Variants in PRR14L observed in about 807,000 individuals in gnomAD.
PRR14L encodes the protein proline rich 14 like, also known as protein PRR14L.
PRR14L carries 80 observed loss-of-function variants against 155.0 expected under a neutral mutation model. The ratio of observed to expected loss-of-function variants is 0.52; its 90% CI spans 0.43 to 0.62. The LOEUF (loss-of-function observed/expected upper bound fraction) is 0.62, where lower values mean the gene tolerates loss of function less well. Ranked by LOEUF, PRR14L falls within the 20% of genes least tolerant of loss-of-function variation. The probability of loss-of-function intolerance (pLI) is 0.00; values close to 1 mark genes in which losing one functional copy is unlikely to be tolerated. For missense variants in PRR14L, 2,469 were observed against 2,548.0 expected (o/e 0.97, Z 0.67); for synonymous variants, 883 against 916.0 (o/e 0.96, Z 0.65).
At position 31,745,153 on chromosome 22, in the gene PRR14L, G is replaced by A. The variant is rs535098941; in HGVS notation, c.-52+4840C>T. Among the ~76,000 whole-genome samples the A allele has an allele frequency of 3.4e-4, 52 of 152,174 alleles. 1 individual carries two copies. The South Asian group carries it at 9.7e-3, about 29-fold the overall frequency. On this transcript the variant is annotated intron_variant, in intron 1 of 8. Coordinates refer to ENST00000327423, the MANE Select transcript of PRR14L (RefSeq NM_173566.3). ...AGCACTTTGGGAGGACAAGGCAGGCGGATCACGAGGTCAGGAGATCGAGAC... is the reference window on the plus strand; with the variant it reads ...AGCACTTTGGGAGGACAAGGCAGGCAGATCACGAGGTCAGGAGATCGAGAC...
chr22:31,713,869 G>A lies in PRR14L; in HGVS notation c.3970C>T (p.Pro1324Ser). The A allele has an allele frequency of 6.4e-7, 1 of 1,552,130 alleles. No individual in the cohort carries two copies. The highest frequency in any genetic ancestry group is 8.7e-7 in the Non-Finnish European group (1 of 1,147,112). ...PHENSSDRHL[P>S]LTVKTDIKVK... ...TTAATATCTGTTTTCACTGTCAAAG[G>A]CAAATGTCTGTCAGAGGAATTCTCG... is the stretch of plus-strand genomic sequence containing the variant. The change falls in exon 4 of 9, where the codon CCT becomes TCT. Residue 1324 changes from proline to serine, a missense_variant. Pro to Ser is a moderately conservative substitution (Grantham distance 74, BLOSUM62 -1). This residue lies in a region of PRR14L where 2,363 missense variants were observed against 2,371.6 expected (regional missense o/e 1.00). Coordinates refer to ENST00000327423, the MANE Select transcript of PRR14L (RefSeq NM_173566.3).
At chr22:31,741,240 G>C (rs552606646) in intron 1 of PRR14L, among the ~76,000 whole-genome samples, 1 of 125,218 alleles carries the variant, frequency 8.0e-6, no homozygotes, top group Non-Finnish European at 1.6e-5. Flanking sequence ...GTGACAGAGC[G>C]AGGCTCTGTC....
intron 1 of PRR14L, among the ~76,000 whole-genome samples, chr22:31,748,702 G>C (rs1425441449): frequency 6.6e-6 from 1 of 152,132 alleles, no homozygotes; most frequent in Non-Finnish European, 1.5e-5. Flanking sequence ...AGTAAGTCAG[G>C]GAAGTGGGAG....
chr22:31,700,564 C>T (rs2074557928), intron 7 of PRR14L, among the ~76,000 whole-genome samples: 1 of 151,626 alleles, frequency 6.6e-6, no homozygotes, highest in Non-Finnish European at 1.5e-5. Context: ...GTACAGAAAT[C>T]TTTTTTTTTG....
At chr22:31,743,559 G>C (rs1157081971) in intron 1 of PRR14L, among the ~76,000 whole-genome samples, 3 of 152,102 alleles carry the variant, frequency 2.0e-5, no homozygotes, top group Non-Finnish European at 4.4e-5. Context: ...TCAGCACTTT[G>C]GGAGGCCAAG....
Position 31,714,979 on chromosome 22 carries a change from T to G in PRR14L, c.2860A>C (p.Lys954Gln). The G allele has an allele frequency of 6.4e-7, 1 of 1,552,170 alleles. No homozygotes were observed. The highest frequency in any genetic ancestry group is 8.7e-7 in the Non-Finnish European group (1 of 1,147,102). ...AGTGTTTCAACTGATTTTACATTTT[T>G]AAAACTGGAGAACATAACAGTAGGA... ...QSPTVMFSSF[K>Q]NVKSVETLDQ... Residue 954 changes from lysine to glutamine, a missense_variant, in exon 4 of 9, where the codon AAA becomes CAA. By Grantham distance (53) the Lys-to-Gln change is moderately conservative. Coordinates refer to ENST00000327423, the MANE Select transcript of PRR14L (RefSeq NM_173566.3).
At chr22:31,710,003 T>A (rs1293474890) in intron 4 of PRR14L, among the ~76,000 whole-genome samples, 1 of 151,430 alleles carries the variant, frequency 6.6e-6, no homozygotes, top group African/African-American at 2.4e-5. Flanking sequence ...TGTAGTGGTG[T>A]GATCCTGGCT....
intron 3 of PRR14L, among the ~76,000 whole-genome samples, chr22:31,718,293 T>C (rs1280067856): frequency 6.7e-6 from 1 of 149,476 alleles, no homozygotes; most frequent in Non-Finnish European, 1.5e-5. Context: ...TCTTGCTTTG[T>C]CGCCCAGGCT....
intron 2 of PRR14L, among the ~76,000 whole-genome samples, chr22:31,730,615 T>C (rs1403046461): frequency 1.3e-5 from 2 of 152,184 alleles, no homozygotes; most frequent in African/African-American, 2.4e-5. Flanking sequence ...GGTTTCTCCA[T>C]TGTGAAGTTA....
chr22:31,720,605 G>T (rs1206682960), intron 3 of PRR14L, among the ~76,000 whole-genome samples: 1 of 152,092 alleles, frequency 6.6e-6, no homozygotes, highest in Non-Finnish European at 1.5e-5. Context: ...CACGGTGGCA[G>T]GCACCTGTAA....
chr22:31,723,963 C>T (rs1185234313), intron 3 of PRR14L, among the ~76,000 whole-genome samples: 1 of 152,218 alleles, frequency 6.6e-6, no homozygotes, highest in Non-Finnish European at 1.5e-5. Flanking sequence ...GCTTCATCTG[C>T]ATTTACAGCT....
At position 31,713,635 on chromosome 22, in the gene PRR14L, CT is replaced by C; in HGVS notation, c.4203del (p.Glu1402LysfsTer24). 1 of 1,551,948 alleles carries C rather than the reference CT, an allele frequency of 6.4e-7. No individual in the cohort carries two copies. On this transcript the variant is annotated frameshift_variant, in exon 4 of 9. Coordinates refer to ENST00000327423, the MANE Select transcript of PRR14L (RefSeq NM_173566.3). LOFTEE classifies it high-confidence loss of function. The part of the protein sequence containing the change: ...SPEVLDYMLQ[K>X]EEKYIRQQKA... The stretch of plus-strand genomic sequence containing the variant: ...TTTTGTTGACGTATATATTTCTCTT[CT>C]TTCTGCAACATGTAGTCCAAAACCT...
intron 1 of PRR14L, among the ~76,000 whole-genome samples, chr22:31,739,900 G>A (rs2074803307): frequency 6.6e-6 from 1 of 152,018 alleles, no homozygotes. Flanking sequence ...CCAGTTTAGT[G>A]TACCAAACAT....
At chr22:31,688,772 G>C (rs1367800263) in intron 7 of PRR14L, among the ~76,000 whole-genome samples, 2 of 151,624 alleles carry the variant, frequency 1.3e-5, no homozygotes, top group Non-Finnish European at 2.9e-5. Context: ...CCACTGACTA[G>C]AAAACTATAT....
At chr22:31,719,443 A>T (rs1393473558) in intron 3 of PRR14L, among the ~76,000 whole-genome samples, 4 of 152,014 alleles carry the variant, frequency 2.6e-5, no homozygotes, top group Admixed American at 1.3e-4. Flanking sequence ...AAGAACAAAA[A>T]ATCTAAAATC....
intron 2 of PRR14L, among the ~76,000 whole-genome samples, chr22:31,730,978 C>G (rs1212699461): frequency 6.6e-6 from 1 of 152,116 alleles, no homozygotes. Context: ...ATTTTAAGCT[C>G]AAATCATCCC....
At chr22:31,748,264 A>G in intron 1 of PRR14L, among the ~76,000 whole-genome samples, 1 of 152,254 alleles carries the variant, frequency 6.6e-6, no homozygotes, top group East Asian at 1.9e-4. Context: ...AAACAAAGAA[A>G]GAAGAGTTTT....
chr22:31,742,349 G>A (rs530790754), intron 1 of PRR14L, among the ~76,000 whole-genome samples: 94 of 150,140 alleles, frequency 6.3e-4, no homozygotes, highest in South Asian at 2.3e-3. Context: ...CTGTAATGAG[G>A]ATGACTCAAA....
intron 4 of PRR14L, among the ~76,000 whole-genome samples, chr22:31,705,384 CT>C (rs2074584902): frequency 6.6e-6 from 1 of 151,848 alleles, no homozygotes; most frequent in Non-Finnish European, 1.5e-5. Flanking sequence ...ATTATTTTTT[CT>C]TTTTTTGAGA....
Sources: gnomAD v4.1 joint callset for allele counts (sites outside exome capture counted in the v4.1 genomes callset) on GRCh38, gnomAD v4.1.1 for gene constraint, gnomAD v4.1.1 regional missense constraint, MANE v1.5 for transcripts, NCBI Gene and HGNC (gene_info 2026-07-23, HGNC 2026-07-21) for gene names.